Variants in ADCY9 observed in about 807,000 individuals in gnomAD.
The protein encoded by ADCY9 is adenylate cyclase 9.
ADCY9 carries 50 observed loss-of-function variants against 101.5 expected under a neutral mutation model. The ratio of observed to expected loss-of-function variants is 0.49; its 90% confidence interval spans 0.39 to 0.62. The LOEUF is 0.62. ADCY9 is among the 20% of genes least tolerant of loss of function. The pLI, the probability that ADCY9 is intolerant of heterozygous loss-of-function variation, is 0.00. For missense variants in ADCY9, 1,662 were observed against 1,800.4 expected (o/e 0.92, Z 1.39); for synonymous variants, 905 against 769.3 (o/e 1.18, Z -2.92).
In ADCY9 at chr16:4,114,330, T is replaced by C. The variant is rs1359835265; in HGVS notation, c.1113A>G (p.Lys371=). The change falls in exon 2 of 11, where the codon AAA becomes AAG. Residue 371 remains lysine (K), a synonymous_variant. Transcript: ENST00000294016. This position sits in a 1 kb window ranked among gnomAD's most constrained non-coding sequence, Gnocchi z 4.3. ...TAGGAGCTTTTTGGATGGAAGACTT[T>C]TTCTTCCTGTTCTTGGGGCTCGAGG... is the stretch of plus-strand genomic sequence containing the variant. ...HATSSPKNRK[K]KSSIQKAPIA... The C allele has an allele frequency of 3.7e-6, 6 of 1,613,850 alleles. No homozygotes were observed. The highest frequency in any genetic ancestry group is 1.7e-5 in the Admixed American group (1 of 60,008).
intron 2 of ADCY9, among the ~76,000 whole-genome samples, chr16:4,067,646 C>T (rs969304290): frequency 3.9e-5 from 6 of 152,184 alleles, no homozygotes; most frequent in East Asian, 1.9e-4. Context: ...CTGTCCTAAA[C>T]AGAACTGGAC....
intron 2 of ADCY9, among the ~76,000 whole-genome samples, chr16:4,092,436 A>G (rs2056979449): frequency 6.6e-6 from 1 of 152,366 alleles, no homozygotes; most frequent in East Asian, 1.9e-4. Flanking sequence ...ATAAAAATCA[A>G]TACTTCCCTA....
chr16:3,971,541 ACAT>A lies in ADCY9; in HGVS notation c.2870+3125_2870+3127del, dbSNP rs2056052138. On this transcript the variant is annotated intron_variant, in intron 10 of 10. Coordinates refer to ENST00000294016, the MANE Select transcript of ADCY9 (RefSeq NM_001116.4). The stretch of plus-strand genomic sequence containing the variant: ...TGAAACAGATGACATTACATATCCT[ACAT>A]CTCAAGTACTAAGCAAAATAACCAT... Among the ~76,000 whole-genome samples the A allele has an allele frequency of 9.9e-5, 15 of 152,250 alleles. No homozygotes were observed. The South Asian group carries it at 3.1e-3, about 32-fold the overall frequency.
chr16:4,097,485 T>TACACACACAC (rs1435990370), intron 2 of ADCY9, among the ~76,000 whole-genome samples: 60 of 73,018 alleles, frequency 8.2e-4, no homozygotes, highest in African/African-American at 1.3e-3. Flanking sequence ...TATATATATA[T>TACACACACAC]ATACACACAC....
chr16:3,959,881 C>T (rs1459463090), downstream of ADCY9, among the ~76,000 whole-genome samples: 2 of 152,018 alleles, frequency 1.3e-5, no homozygotes, highest in Non-Finnish European at 2.9e-5. Flanking sequence ...CAAAATTTAG[C>T]TAGGCGTGGT....
At chr16:4,029,281 A>G (rs2056538675) in intron 2 of ADCY9, among the ~76,000 whole-genome samples, 1 of 152,208 alleles carries the variant, frequency 6.6e-6, no homozygotes, top group Admixed American at 6.5e-5. Flanking sequence ...AAAGAAAAAA[A>G]GTGGATCAAT....
intron 2 of ADCY9, chr16:4,032,697 G>C (rs1337505337): frequency 6.6e-6 from 1 of 151,928 alleles, no homozygotes; most frequent in Non-Finnish European, 1.5e-5. Context: ...TTTTAGTACA[G>C]GTGAGGTTTC....
chr16:4,081,300 T>A (rs182175506), intron 2 of ADCY9, among the ~76,000 whole-genome samples: 133 of 152,342 alleles, frequency 8.7e-4, no homozygotes, highest in African/African-American at 2.6e-3. Context: ...CAGCAGATCA[T>A]GAAGCCATCT....
rs1427399340 is a variant in ADCY9 at position 3,963,279 on chromosome 16, C to T, written c.*2496G>A. The T allele has an allele frequency of 2.0e-5, 8 of 398,560 alleles. No individual in the cohort carries two copies. Among genetic ancestry groups the T allele is most frequent in the South Asian group, 1.3e-4 (1 of 7,830 alleles). 24.7% of individuals were successfully genotyped at this position (398,560 alleles called of 1,614,324 possible). ...TAAGAGGTATTGCCACCCTGAAGCA[C>T]GACCCATGCCGTCAGCAGCCCTCGT... On this transcript the variant is annotated 3_prime_UTR_variant, in exon 11 of 11. Coordinates refer to ENST00000294016, the MANE Select transcript of ADCY9 (RefSeq NM_001116.4).
At position 4,025,022 on chromosome 16, in the gene ADCY9, G is replaced by C. The variant is rs578041434; in HGVS notation, c.1694-17464C>G. ...AGCAGCCTTGGAGCTGCAATGTTTT[G>C]AACGGCCAGGGAAGTGGGCCAGCAG... On this transcript the variant is annotated intron_variant, in intron 2 of 10. Coordinates refer to ENST00000294016, the MANE Select transcript of ADCY9 (RefSeq NM_001116.4). Among the ~76,000 whole-genome samples the C allele has an allele frequency of 3.3e-5, 5 of 151,928 alleles. No individual in the cohort carries two copies. The South Asian group carries it at 1.0e-3, about 32-fold the overall frequency.
chr16:4,089,307 C>G (rs1260328769), intron 2 of ADCY9, among the ~76,000 whole-genome samples: 1 of 152,006 alleles, frequency 6.6e-6, no homozygotes, highest in Admixed American at 6.6e-5. Flanking sequence ...CTCAAGCGAT[C>G]GAAACGTGGC....
intron 2 of ADCY9, among the ~76,000 whole-genome samples, chr16:4,097,570 TTA>T (rs2057016395): frequency 7.4e-6 from 1 of 135,326 alleles, no homozygotes; most frequent in African/African-American, 2.8e-5. Flanking sequence ...TTTTTTTTTT[TTA>T]AGACAGAGTC....
intron 3 of ADCY9, among the ~76,000 whole-genome samples, chr16:4,006,279 C>T (rs754961437): frequency 1.5e-4 from 21 of 136,576 alleles, no homozygotes; most frequent in Non-Finnish European, 2.7e-4. Flanking sequence ...ACATGACTAC[C>T]TGGTCCAAAA....
intron 3 of ADCY9, among the ~76,000 whole-genome samples, chr16:4,001,787 T>C (rs1433273828): frequency 6.6e-6 from 1 of 151,264 alleles, no homozygotes; most frequent in African/African-American, 2.4e-5. Context: ...TCTCACTCTG[T>C]TGCCCAGGCT....
chr16:4,069,466 C>G (rs551803217), intron 2 of ADCY9, among the ~76,000 whole-genome samples: 1 of 150,960 alleles, frequency 6.6e-6, no homozygotes, highest in Non-Finnish European at 1.5e-5. Context: ...CACTTGGTGC[C>G]GAGTCTGACA....
At chr16:4,090,807 C>A (rs750273795) in intron 2 of ADCY9, among the ~76,000 whole-genome samples, 4 of 151,734 alleles carry the variant, frequency 2.6e-5, no homozygotes, top group Non-Finnish European at 5.9e-5. Context: ...TGCCAAGCCT[C>A]ATGCCAATTT....
rs1442858134 is a variant in ADCY9, at chr16:3,963,097, C to T, written c.*2678G>A. 2.5e-5 allele frequency: 3 copies of T among 120,524 alleles called. No individual in the cohort carries two copies. The highest frequency in any genetic ancestry group is 2.9e-4 in the East Asian group (1 of 3,498). 7.5% of individuals were successfully genotyped at this position (120,524 alleles called of 1,614,324 possible). ...GATAAAATTGTGTGTGCTTGTTTAC[C>T]ATATATATATATATATATATATATA... On this transcript the variant is annotated 3_prime_UTR_variant, in exon 11 of 11. Coordinates refer to ENST00000294016, the MANE Select transcript of ADCY9 (RefSeq NM_001116.4).
chr16:3,980,532 C>T (rs568319912), intron 7 of ADCY9, among the ~76,000 whole-genome samples: 5 of 152,216 alleles, frequency 3.3e-5, no homozygotes, highest in Non-Finnish European at 5.9e-5. Context: ...GACTGAACAG[C>T]AAAAAAGCCT....
At chr16:4,100,743 CAAA>C (rs35359235) in intron 2 of ADCY9, among the ~76,000 whole-genome samples, 5 of 115,094 alleles carry the variant, frequency 4.3e-5, no homozygotes, top group Non-Finnish European at 5.2e-5. Flanking sequence ...ACTCTTGTCT[CAAA>C]AAAAAAAAAA....
Sources: allele counts gnomAD v4.1 joint callset (sites outside exome capture counted in the v4.1 genomes callset), GRCh38; gene constraint gnomAD v4.1.1; non-coding constraint Gnocchi (gnomAD v3.1); transcripts MANE v1.5; gene names NCBI Gene and HGNC (gene_info 2026-07-23, HGNC 2026-07-21).